Variants in ACSS3 observed in about 807,000 individuals in gnomAD.
The protein encoded by ACSS3 is acyl-CoA synthetase short-chain family member 3, mitochondrial.
Under a neutral mutation model 84.2 loss-of-function variants are expected in ACSS3, and 64 were observed. That is an observed-to-expected ratio of 0.76 (90% CI 0.62 to 0.94). The LOEUF is 0.94. Among genes scored for constraint, ACSS3 ranks in the 40% least tolerant of loss-of-function variants. The pLI is 0.00. For missense variants in ACSS3, 815 were observed against 867.6 expected, an observed-to-expected ratio of 0.94 and a Z score of 0.76; for synonymous variants, 317 against 310.1, an observed-to-expected ratio of 1.02 and a Z score of -0.23.
At chr12:81,188,230 A>T (rs978361949) in intron 8 of ACSS3, among the ~76,000 whole-genome samples, 44 of 152,036 alleles carry the variant, frequency 2.9e-4, no homozygotes, top group Admixed American at 7.2e-4. Flanking sequence ...ATCTAGCCTT[A>T]GGAATATGAG....
chr12:81,145,908 G>C (rs917816155), intron 5 of ACSS3, among the ~76,000 whole-genome samples: 1 of 152,138 alleles, frequency 6.6e-6, no homozygotes, highest in Non-Finnish European at 1.5e-5. Flanking sequence ...AGTGGGCTTT[G>C]CAAAGTTAAC....
At chr12:81,081,697 A>C (rs531965889) in intron 1 of ACSS3, among the ~76,000 whole-genome samples, 13 of 152,158 alleles carry the variant, frequency 8.5e-5, no homozygotes, top group Non-Finnish European at 1.9e-4. Context: ...ATTTTAGTTT[A>C]CTTTTATTTA....
intron 11 of ACSS3, among the ~76,000 whole-genome samples, chr12:81,225,112 T>G (rs541738977): frequency 6.6e-6 from 1 of 151,902 alleles, no homozygotes; most frequent in South Asian, 2.1e-4. Context: ...AGGCACCCAC[T>G]GAGAGTCTTG....
chr12:81,090,632 C>A (rs1881610681), intron 1 of ACSS3, among the ~76,000 whole-genome samples: 1 of 151,978 alleles, frequency 6.6e-6, no homozygotes, highest in South Asian at 2.1e-4. Flanking sequence ...TATCAAGGAA[C>A]CAAAGAGTTT....
At chr12:81,232,240 T>TA (rs2033489921) in intron 12 of ACSS3, among the ~76,000 whole-genome samples, 1 of 151,720 alleles carries the variant, frequency 6.6e-6, no homozygotes, top group African/African-American at 2.4e-5. Context: ...TGGCAAATGA[T>TA]ATGTGCATGT....
chr12:81,087,506 T>C (rs1351142884), intron 1 of ACSS3, among the ~76,000 whole-genome samples: 1 of 151,712 alleles, frequency 6.6e-6, no homozygotes, highest in African/African-American at 2.4e-5. Flanking sequence ...CTGGCCAGTA[T>C]AGATATCTGT....
chr12:81,219,347 A>C (rs1470074171), intron 10 of ACSS3, among the ~76,000 whole-genome samples: 1 of 152,168 alleles, frequency 6.6e-6, no homozygotes, highest in Non-Finnish European at 1.5e-5. Flanking sequence ...TTCTTTTCTC[A>C]TATCTGCTTA....
intron 11 of ACSS3, among the ~76,000 whole-genome samples, chr12:81,226,312 CT>C (rs144290496): frequency 2.7e-5 from 4 of 150,760 alleles, no homozygotes; most frequent in Non-Finnish European, 4.4e-5. Context: ...ATTTTCTTTT[CT>C]TTTTTTTTCC....
intron 2 of ACSS3, among the ~76,000 whole-genome samples, chr12:81,114,813 G>T (rs1469183364): frequency 1.3e-5 from 2 of 152,028 alleles, no homozygotes. Context: ...CAGATCACAA[G>T]AATAAATTTT....
intron 1 of ACSS3, among the ~76,000 whole-genome samples, chr12:81,103,786 G>GA (rs1255352199): frequency 6.6e-6 from 1 of 151,702 alleles, no homozygotes; most frequent in African/African-American, 2.4e-5. Flanking sequence ...GCCAACAATT[G>GA]AAAAAAAATT....
At chr12:81,097,492 T>C (rs1412152981) in intron 1 of ACSS3, among the ~76,000 whole-genome samples, 2 of 152,226 alleles carry the variant, frequency 1.3e-5, no homozygotes, top group African/African-American at 4.8e-5. Context: ...AATTTTCCTT[T>C]ACAGTATTCC....
chr12:81,222,638 A>C (rs2033148078), intron 11 of ACSS3, among the ~76,000 whole-genome samples: 1 of 152,068 alleles, frequency 6.6e-6, no homozygotes. Context: ...GTGGAAACAA[A>C]CAAACAAGTA....
chr12:81,173,451 GT>G (rs959676481), intron 7 of ACSS3, among the ~76,000 whole-genome samples: 2 of 151,736 alleles, frequency 1.3e-5, no homozygotes, highest in Admixed American at 6.6e-5. Flanking sequence ...GATTGAAATA[GT>G]TTTTTTTAAG....
chr12:81,118,799 C>G (rs1002256018), intron 2 of ACSS3, among the ~76,000 whole-genome samples: 28 of 152,094 alleles, frequency 1.8e-4, no homozygotes, highest in African/African-American at 2.4e-5. Context: ...TTGATTTAGG[C>G]AGTGGGGCCA....
chr12:81,097,747 G>A (rs1227534704), intron 1 of ACSS3, among the ~76,000 whole-genome samples: 1 of 152,098 alleles, frequency 6.6e-6, no homozygotes. Context: ...TTACGATCGT[G>A]GAAGGCATGA....
intron 8 of ACSS3, among the ~76,000 whole-genome samples, chr12:81,177,815 C>T (rs1177041689): frequency 6.6e-6 from 1 of 152,134 alleles, no homozygotes; most frequent in African/African-American, 2.4e-5. Flanking sequence ...CAGGAAACAA[C>T]AGGTGCTGGA....
At chr12:81,102,457 G>C (rs185002743) in intron 1 of ACSS3, among the ~76,000 whole-genome samples, 1 of 152,254 alleles carries the variant, frequency 6.6e-6, no homozygotes, top group African/African-American at 2.4e-5. Flanking sequence ...AAGCATAAGT[G>C]GGGGAGGGCA....
At chr12:81,230,786 A>T (rs1418555807) in intron 11 of ACSS3, among the ~76,000 whole-genome samples, 5 of 151,882 alleles carry the variant, frequency 3.3e-5, no homozygotes, top group Non-Finnish European at 7.4e-5. Context: ...TCACTGAAGC[A>T]ATGCTTATTG....
intron 9 of ACSS3, 144 bp downstream of exon 9, chr12:81,199,588 A>G (rs2032008416): frequency 2.0e-6 from 3 of 1,482,240 alleles, no homozygotes; most frequent in Non-Finnish European, 2.7e-6. Context: ...AAAATAAGCA[A>G]TTTTTTTATT....
Sources: allele counts gnomAD v4.1 joint callset (sites outside exome capture counted in the v4.1 genomes callset), GRCh38; gene constraint gnomAD v4.1.1; transcripts MANE v1.5; gene names NCBI Gene and HGNC (gene_info 2026-07-23, HGNC 2026-07-21).